The following WDR53 variants were observed in gnomAD, a reference collection of about 807,000 sequenced individuals.
WDR53 encodes WD repeat-containing protein 53.
In WDR53, 19 loss-of-function variants were observed where a neutral mutation model predicts 21.3. The observed-to-expected ratio is 0.89, with a 90% confidence interval of 0.62 to 1.31. The LOEUF (loss-of-function observed/expected upper bound fraction) is 1.31. Ranked by LOEUF, WDR53 falls within the 50% of genes most tolerant of loss-of-function variation. The pLI is 0.00. For synonymous variants in WDR53, 157 were observed against 163.4 expected, an observed-to-expected ratio of 0.96 and a Z score of 0.30; for missense variants, 374 against 423.2, an observed-to-expected ratio of 0.88 and a Z score of 1.02.
At chr3:196,564,567 T>A (rs1560308957) in intron 2 of WDR53, among the ~76,000 whole-genome samples, 1 of 151,698 alleles carries the variant, frequency 6.6e-6, no homozygotes. Context: ...TTCCCCACAT[T>A]CCCCAGGCTG....
intron 2 of WDR53, among the ~76,000 whole-genome samples, chr3:196,565,416 A>G (rs1735285952): frequency 6.6e-6 from 1 of 152,014 alleles, no homozygotes; most frequent in African/African-American, 2.4e-5. Flanking sequence ...CTCTACTAAA[A>G]ATACAAAAAT....
At chr3:196,564,024 T>C (rs991678293) in intron 2 of WDR53, among the ~76,000 whole-genome samples, 4 of 152,046 alleles carry the variant, frequency 2.6e-5, no homozygotes, top group Admixed American at 2.6e-4. Flanking sequence ...TAAACTTTTG[T>C]TTTCAAGCAG....
In WDR53 at chr3:196,561,170, C is replaced by T. The variant is rs1488337708; in HGVS notation, c.306G>A (p.Leu102=). ...AAGCCAGCAGGTTTTCCGTTTGATT[C>T]AATGAAAGACAATTGATTTCTTCTT... ...VNEEEINCLS[L]NQTENLLASA... Residue 102 remains leucine, a synonymous_variant, in exon 3 of 4, where the codon TTG becomes TTA. Transcript: ENST00000332629. The T allele has an allele frequency of 3.1e-6, 5 of 1,614,148 alleles. No individual in the cohort carries two copies. The highest frequency in any genetic ancestry group is 1.7e-5 in the Admixed American group (1 of 60,018).
rs1734159342 is a variant in WDR53, at chr3:196,554,591, G to A, written c.697C>T (p.Gln233Ter). Residue 233 changes from glutamine (Q) to a stop codon, truncating the protein, a stop_gained, in exon 4 of 4, where the codon CAG becomes TAG. Transcript: ENST00000332629. LOFTEE classifies it high-confidence loss of function. The part of the protein sequence containing the change: ...IFRVMGVKCE[Q>*]ELGFKGHTSG... ...GTGTGGCCCTTAAATCCCAGTTCCTGTTCACACTTAACTCCCATCACCCGA... is the reference window on the plus strand; with the variant it reads ...GTGTGGCCCTTAAATCCCAGTTCCTATTCACACTTAACTCCCATCACCCGA... The A allele has an allele frequency of 1.2e-6, 2 of 1,613,882 alleles. No homozygotes were observed. Among genetic ancestry groups the A allele is most frequent in the Non-Finnish European group, 1.7e-6 (2 of 1,179,998 alleles).
chr3:196,556,415 G>C (rs533006430), intron 3 of WDR53, among the ~76,000 whole-genome samples: 1 of 152,204 alleles, frequency 6.6e-6, no homozygotes, highest in South Asian at 2.1e-4. Context: ...CCAGCACTTT[G>C]GGAGGCTGAG....
intron 3 of WDR53, among the ~76,000 whole-genome samples, chr3:196,556,760 C>T (rs559530381): frequency 2.0e-5 from 3 of 152,134 alleles, no homozygotes; most frequent in Admixed American, 1.3e-4. Context: ...CTTTCTCATA[C>T]AGCCCTTATG....
Position 196,561,165 on chromosome 3 carries a change from T to G in WDR53, c.311A>C (p.Gln104Pro), listed in dbSNP as rs1406603702. The change falls in exon 3 of 4, where the codon CAA (glutamine) becomes CCA (proline). Residue 104 changes from glutamine to proline, a missense_variant. Gln to Pro is a moderately conservative substitution (Grantham distance 76, BLOSUM62 -1). Coordinates refer to ENST00000332629, the MANE Select transcript of WDR53 (RefSeq NM_182627.3). ...EEEINCLSLN[Q>P]TENLLASADD... ...AGCAGAAGCCAGCAGGTTTTCCGTT[T>G]GATTCAATGAAAGACAATTGATTTC... 1 of 1,614,112 alleles carries G rather than the reference T, an allele frequency of 6.2e-7. No individual in the cohort carries two copies. Among genetic ancestry groups the G allele is most frequent in the Non-Finnish European group, 8.5e-7 (1 of 1,180,050 alleles).
intron 3 of WDR53, among the ~76,000 whole-genome samples, chr3:196,556,751 T>C (rs762532811): frequency 6.6e-6 from 1 of 152,118 alleles, no homozygotes; most frequent in Non-Finnish European, 1.5e-5. Flanking sequence ...GACCCAGTTC[T>C]TTCTCATACA....
chr3:196,567,237 T>A lies in WDR53; in HGVS notation c.-377A>T, dbSNP rs1323295445. Reference sequence around the variant, plus strand: ...TCAACTTTTCTCTACAGGCTTGGGGTTTCTGAAGTTGGACTTGATGTGGAG... The same window carrying A: ...TCAACTTTTCTCTACAGGCTTGGGGATTCTGAAGTTGGACTTGATGTGGAG... On this transcript the variant is annotated 5_prime_UTR_variant, in exon 2 of 4. Coordinates refer to ENST00000332629, the MANE Select transcript of WDR53 (RefSeq NM_182627.3). 8.8e-6 allele frequency: 4 copies of A among 456,444 alleles called. No homozygotes were observed. In the East Asian group the frequency reaches 2.8e-4, roughly 32 times the overall value. The allele number at this position is 456,444 out of a possible 1,614,324, so 28.3% of individuals were successfully genotyped here.
At chr3:196,566,098 T>G (rs1033158496) in intron 2 of WDR53, among the ~76,000 whole-genome samples, 1 of 149,362 alleles carries the variant, frequency 6.7e-6, no homozygotes, top group Non-Finnish European at 1.5e-5. Context: ...TTTTCTTGTG[T>G]TTTTTTTTTG....
At chr3:196,563,443 AC>A (rs1170612283) in intron 2 of WDR53, among the ~76,000 whole-genome samples, 1 of 152,228 alleles carries the variant, frequency 6.6e-6, no homozygotes, top group Admixed American at 6.5e-5. Flanking sequence ...AGGAGAGCTT[AC>A]CCGAGTGCCA....
At chr3:196,557,789 T>C (rs1734469611) in intron 3 of WDR53, among the ~76,000 whole-genome samples, 1 of 151,294 alleles carries the variant, frequency 6.6e-6, no homozygotes, top group Non-Finnish European at 1.5e-5. Flanking sequence ...CTTTTCTTTT[T>C]TTTTTTTTGA....
At chr3:196,567,582 G>T (rs2108717065) in intron 1 of WDR53, among the ~76,000 whole-genome samples, 1 of 152,238 alleles carries the variant, frequency 6.6e-6, no homozygotes, top group Non-Finnish European at 1.5e-5. Flanking sequence ...TTGTTTTGAG[G>T]ATTACGTATA....
chr3:196,560,567 TAC>T (rs1303008600), intron 3 of WDR53, among the ~76,000 whole-genome samples: 1 of 152,182 alleles, frequency 6.6e-6, no homozygotes, highest in African/African-American at 2.4e-5. Flanking sequence ...CAGCATTGAA[TAC>T]AGTGCTCTGA....
chr3:196,562,208 T>A (rs1477612200), intron 2 of WDR53, among the ~76,000 whole-genome samples: 1 of 152,152 alleles, frequency 6.6e-6, no homozygotes, highest in African/African-American at 2.4e-5. Flanking sequence ...CAACCCTAGA[T>A]CTACTGAATC....
intron 1 of WDR53, 103 bp from the exon 2 acceptor site, chr3:196,567,410 G>A (rs1004648152): frequency 4.5e-5 from 16 of 355,240 alleles, no homozygotes; most frequent in African/African-American, 3.0e-4. Flanking sequence ...AGAGGGTAGG[G>A]AAGGTAGCCA....
chr3:196,558,190 C>T lies in WDR53; in HGVS notation c.480+2806G>A, dbSNP rs140309047. Among the ~76,000 whole-genome samples, 39 of 151,930 alleles carry T rather than the reference C, an allele frequency of 2.6e-4. No individual in the cohort carries two copies. In the East Asian group the frequency reaches 7.6e-3, roughly 30 times the overall value. On this transcript the variant is annotated intron_variant, in intron 3 of 3. Transcript: ENST00000332629. Reference sequence around the variant, plus strand: ...CACACTTTGCTTTTAGGGTCCCTGCCTCTTTGAATGCGCTTTGCCTATTTT... The same window carrying T: ...CACACTTTGCTTTTAGGGTCCCTGCTTCTTTGAATGCGCTTTGCCTATTTT...
At chr3:196,566,855 G>T (rs555320652) in intron 2 of WDR53, 22 bp downstream of exon 2, 8 of 183,870 alleles carry the variant, frequency 4.4e-5, no homozygotes, top group Non-Finnish European at 9.2e-5. Context: ...AGAAAAGGAG[G>T]GGTTGAGAAG....
chr3:196,555,896 A>G (rs1734271647), intron 3 of WDR53, among the ~76,000 whole-genome samples: 2 of 152,184 alleles, frequency 1.3e-5, no homozygotes, highest in Admixed American at 1.3e-4. Context: ...CTTAGATGAA[A>G]ATCTCTTTGA....
Sources: allele counts gnomAD v4.1 joint callset (sites outside exome capture counted in the v4.1 genomes callset), GRCh38; gene constraint gnomAD v4.1.1; transcripts MANE v1.5; gene names NCBI Gene and HGNC (gene_info 2026-07-23, HGNC 2026-07-21).